CIMAP1D: variants seen among roughly 807,000 people sequenced by gnomAD.
CIMAP1D encodes the protein CIMAP1 family member D, also known as protein CIMAP1D.
the CIMAP1D span, among the ~76,000 whole-genome samples, chr19:479,758 G>C: frequency 3.3e-5 from 5 of 151,754 alleles, no homozygotes; most frequent in African/African-American, 9.7e-5. Flanking sequence ...GGCTGGTCTC[G>C]ATCTCCTGAC....
At chr19:480,803 A>G in the CIMAP1D span, among the ~76,000 whole-genome samples, 1 of 114,228 alleles carries the variant, frequency 8.8e-6, no homozygotes, top group African/African-American at 4.6e-5. Flanking sequence ...TGCAGAAGGA[A>G]TGTAGGAAGG....
the CIMAP1D span, among the ~76,000 whole-genome samples, chr19:480,460 T>G: frequency 7.1e-6 from 1 of 140,320 alleles, no homozygotes; most frequent in African/African-American, 2.9e-5. Context: ...TAGGGGAGGA[T>G]GATGGGAAGG....
At chr19:482,186 A>T in the CIMAP1D span, among the ~76,000 whole-genome samples, 1 of 152,354 alleles carries the variant, frequency 6.6e-6, no homozygotes, top group South Asian at 2.1e-4. Flanking sequence ...TCTGCATATG[A>T]ACATTACAGG....
At chr19:463,915 G>A in the CIMAP1D span, 86 of 1,611,474 alleles carry the variant, frequency 5.3e-5, no homozygotes, top group Non-Finnish European at 6.4e-5. Context: ...GTGCTGGCCC[G>A]TTTCGAGTGG....
the CIMAP1D span, chr19:467,787 G>A: frequency 6.8e-7 from 1 of 1,460,000 alleles, no homozygotes; most frequent in Admixed American, 1.9e-5. Flanking sequence ...CCAGAGTGCT[G>A]AGAGTGATTC....
At chr19:488,834 G>T in the CIMAP1D span, among the ~76,000 whole-genome samples, 2 of 152,282 alleles carry the variant, frequency 1.3e-5, no homozygotes, top group South Asian at 4.1e-4. Context: ...CGCGCTGGAA[G>T]ACTCGCGGCG....
At chr19:479,329 G>A in the CIMAP1D span, among the ~76,000 whole-genome samples, 7 of 150,224 alleles carry the variant, frequency 4.7e-5, no homozygotes, top group Admixed American at 4.6e-4. Context: ...TAAATACTAA[G>A]GGCTGTAGAA....
At chr19:475,139 C>T in the CIMAP1D span, among the ~76,000 whole-genome samples, 4 of 152,074 alleles carry the variant, frequency 2.6e-5, no homozygotes, top group East Asian at 1.9e-4. Flanking sequence ...GAGGGCCTGG[C>T]GGGGTCGTGG....
chr19:480,556 GAACGATGATGGA>G, the CIMAP1D span, among the ~76,000 whole-genome samples: 1 of 99,210 alleles, frequency 1.0e-5, no homozygotes, highest in Non-Finnish European at 2.2e-5. Context: ...GGATGATGGA[GAACGATGATGGA>G]GAACGATGAT....
chr19:473,397 G>A, the CIMAP1D span, among the ~76,000 whole-genome samples: 84 of 109,308 alleles, frequency 7.7e-4, no homozygotes, highest in African/African-American at 2.6e-3. Flanking sequence ...AGAGATACAC[G>A]GTCACAGGTG....
chr19:480,253 C>A, the CIMAP1D span, among the ~76,000 whole-genome samples: 1 of 152,234 alleles, frequency 6.6e-6, no homozygotes, highest in African/African-American at 2.4e-5. Flanking sequence ...AGAAGAGGAG[C>A]CGGGAGGAAG....
the CIMAP1D span, among the ~76,000 whole-genome samples, chr19:490,827 G>A: frequency 6.6e-6 from 1 of 152,190 alleles, no homozygotes; most frequent in Non-Finnish European, 1.5e-5. Context: ...GGCCAGGCGC[G>A]GTGGCTCACG....
chr19:465,359 G>GGATGGGTGGA, the CIMAP1D span, among the ~76,000 whole-genome samples: 1 of 138,740 alleles, frequency 7.2e-6, no homozygotes, highest in Non-Finnish European at 1.5e-5. Flanking sequence ...GAATGGGTAG[G>GGATGGGTGGA]TGGATGGGTG....
At chr19:468,682 A>G in the CIMAP1D span, among the ~76,000 whole-genome samples, 1 of 152,206 alleles carries the variant, frequency 6.6e-6, no homozygotes, top group Non-Finnish European at 1.5e-5. Flanking sequence ...CCAGTGACAG[A>G]TGCGCAGGCA....
the CIMAP1D span, chr19:472,297 G>A: frequency 1.4e-5 from 9 of 621,492 alleles, no homozygotes; most frequent in African/African-American, 5.7e-5. Flanking sequence ...CGCACTAACT[G>A]GGGGCCTGGA....
the CIMAP1D span, among the ~76,000 whole-genome samples, chr19:488,476 G>T: frequency 1.3e-5 from 2 of 151,574 alleles, no homozygotes; most frequent in Non-Finnish European, 2.9e-5. Context: ...GAGCCGAGAT[G>T]GCGCCACTGC....
At chr19:485,088 T>G in the CIMAP1D span, among the ~76,000 whole-genome samples, 8 of 147,490 alleles carry the variant, frequency 5.4e-5, no homozygotes, top group East Asian at 4.0e-4. Flanking sequence ...TGAAGGGGAG[T>G]GAGAGGAGGG....
the CIMAP1D span, among the ~76,000 whole-genome samples, chr19:465,159 ATGGC>A: frequency 9.7e-6 from 1 of 102,986 alleles, no homozygotes; most frequent in Non-Finnish European, 2.0e-5. Flanking sequence ...GGGTGGGTGG[ATGGC>A]TGGGTGGGTA....
At chr19:464,513 A>G in the CIMAP1D span, 4 of 662,598 alleles carry the variant, frequency 6.0e-6, no homozygotes, top group African/African-American at 1.9e-5. Context: ...TCCTCCATAC[A>G]CATGGTCTGT....
Sources: allele counts gnomAD v4.1 joint callset (sites outside exome capture counted in the v4.1 genomes callset), GRCh38; gene constraint gnomAD v4.1.1; transcripts MANE v1.5; gene names NCBI Gene and HGNC (gene_info 2026-07-23, HGNC 2026-07-21).